The following FER variants were observed in gnomAD, a reference collection of about 807,000 sequenced individuals.
The protein encoded by FER is tyrosine-protein kinase Fer.
In FER, 63 loss-of-function variants were observed where a neutral mutation model predicts 111.0. That is an observed-to-expected ratio of 0.57 (90% CI 0.46 to 0.70). The LOEUF is 0.70. FER is among the 30% of genes least tolerant of loss of function. The pLI, the probability that FER is intolerant of heterozygous loss-of-function variation, is 0.00. For missense variants in FER, 914 were observed against 954.0 expected (o/e 0.96, Z 0.55); for synonymous variants, 327 against 313.9 (o/e 1.04, Z -0.44).
At chr5:109,132,907 G>A (rs1752511065) in intron 17 of FER, among the ~76,000 whole-genome samples, 1 of 152,170 alleles carries the variant, frequency 6.6e-6, no homozygotes, top group Non-Finnish European at 1.5e-5. Context: ...GAGACTGAAT[G>A]TACAGCAGTT....
chr5:109,138,041 T>G (rs1753100947), intron 17 of FER, among the ~76,000 whole-genome samples: 1 of 152,028 alleles, frequency 6.6e-6, no homozygotes. Flanking sequence ...AAGCCTGAAG[T>G]CTTTCTGTCA....
chr5:108,845,041 C>CATAT (rs1232663960), intron 5 of FER, among the ~76,000 whole-genome samples: 173 of 46,380 alleles, frequency 3.7e-3, no homozygotes, highest in East Asian at 9.1e-3. Context: ...TATATATATA[C>CATAT]ATATATATAT....
At chr5:108,992,332 C>A (rs957657402) in intron 13 of FER, among the ~76,000 whole-genome samples, 6 of 152,234 alleles carry the variant, frequency 3.9e-5, no homozygotes, top group Admixed American at 1.3e-4. Context: ...ACCTTTACCC[C>A]CTTTCTATTC....
chr5:109,003,381 C>G (rs1040616309), intron 13 of FER, among the ~76,000 whole-genome samples: 1 of 152,106 alleles, frequency 6.6e-6, no homozygotes, highest in Non-Finnish European at 1.5e-5. Flanking sequence ...AAACCAAACA[C>G]CGCATGTTCT....
At chr5:109,005,725 C>T (rs192886141) in intron 13 of FER, among the ~76,000 whole-genome samples, 2 of 152,306 alleles carry the variant, frequency 1.3e-5, no homozygotes, top group East Asian at 3.9e-4. Flanking sequence ...ATACTGAACA[C>T]ACAAGAGTTT....
chr5:108,850,208 T>C (rs1482751586), intron 5 of FER, among the ~76,000 whole-genome samples: 1 of 150,648 alleles, frequency 6.6e-6, no homozygotes, highest in Non-Finnish European at 1.5e-5. Flanking sequence ...AAAAAAAAAA[T>C]CATATTATTA....
chr5:109,127,280 ATATAG>A (rs747906140), intron 17 of FER, among the ~76,000 whole-genome samples: 9 of 152,210 alleles, frequency 5.9e-5, no homozygotes, highest in Non-Finnish European at 1.2e-4. Flanking sequence ...TCATTAGAAC[ATATAG>A]TAAAGAGTTC....
At chr5:108,863,812 A>G (rs926646776) in intron 5 of FER, among the ~76,000 whole-genome samples, 3 of 152,326 alleles carry the variant, frequency 2.0e-5, no homozygotes, top group African/African-American at 7.2e-5. Flanking sequence ...ATATAAACAC[A>G]TATTTGATTA....
chr5:109,103,818 T>C (rs1748557050), intron 17 of FER, among the ~76,000 whole-genome samples: 1 of 152,220 alleles, frequency 6.6e-6, no homozygotes, highest in African/African-American at 2.4e-5. Flanking sequence ...GGAGTCAGGA[T>C]TGACATACTT....
intron 17 of FER, among the ~76,000 whole-genome samples, chr5:109,122,533 AG>A (rs1350032028): frequency 6.7e-6 from 1 of 148,436 alleles, no homozygotes; most frequent in African/African-American, 2.5e-5. Context: ...AAAAAAAAAA[AG>A]GCATGTTCTG....
chr5:109,080,219 A>T (rs540465631), intron 16 of FER, among the ~76,000 whole-genome samples: 1 of 152,194 alleles, frequency 6.6e-6, no homozygotes, highest in South Asian at 2.1e-4. Flanking sequence ...TGTAATCTAA[A>T]TTCTTTTGAT....
chr5:108,954,519 A>C (rs1581378189), intron 11 of FER, among the ~76,000 whole-genome samples: 2 of 152,010 alleles, frequency 1.3e-5, no homozygotes, highest in Non-Finnish European at 2.9e-5. Context: ...CCTTTGTATG[A>C]TAGATAAAAC....
chr5:109,000,196 C>G (rs1170638519), intron 13 of FER, among the ~76,000 whole-genome samples: 2 of 151,210 alleles, frequency 1.3e-5, no homozygotes, highest in Non-Finnish European at 2.9e-5. Flanking sequence ...GAAAAAGACA[C>G]AAATGGAAGA....
At chr5:109,090,894 G>A (rs1169048080) in intron 16 of FER, among the ~76,000 whole-genome samples, 5 of 152,170 alleles carry the variant, frequency 3.3e-5, no homozygotes, top group Admixed American at 1.3e-4. Context: ...ATTTTCAAAG[G>A]ATAAAAGTAA....
At chr5:109,083,596 T>C (rs1313724257) in intron 16 of FER, among the ~76,000 whole-genome samples, 1 of 152,026 alleles carries the variant, frequency 6.6e-6, no homozygotes, top group Non-Finnish European at 1.5e-5. Flanking sequence ...TAGTAAACTT[T>C]TTGTTGGAAA....
intron 14 of FER, among the ~76,000 whole-genome samples, chr5:109,041,414 G>A (rs952087065): frequency 4.0e-5 from 6 of 151,716 alleles, no homozygotes; most frequent in African/African-American, 1.5e-4. Flanking sequence ...AAGATTGGCA[G>A]TTCCTATAAA....
chr5:108,824,485 T>G (rs938314524), intron 3 of FER, among the ~76,000 whole-genome samples: 8 of 152,134 alleles, frequency 5.3e-5, no homozygotes, highest in African/African-American at 1.9e-4. Flanking sequence ...ATCAATATCT[T>G]ATAGTTTTCA....
chr5:109,181,781 CTT>C (rs1012751119), intron 18 of FER, among the ~76,000 whole-genome samples: 1 of 152,112 alleles, frequency 6.6e-6, no homozygotes, highest in African/African-American at 2.4e-5. Context: ...AAATTAATTA[CTT>C]TAAAGTGAAC....
chr5:109,063,244 A>T (rs1050773523), intron 16 of FER, among the ~76,000 whole-genome samples: 5 of 152,194 alleles, frequency 3.3e-5, no homozygotes, highest in Non-Finnish European at 7.3e-5. Context: ...AAATTCTTTT[A>T]AAAAATAAAC....
Sources: gnomAD v4.1 joint callset for allele counts (sites outside exome capture counted in the v4.1 genomes callset) on GRCh38, gnomAD v4.1.1 for gene constraint, MANE v1.5 for transcripts, NCBI Gene and HGNC (gene_info 2026-07-23, HGNC 2026-07-21) for gene names.